GNG2: variants seen among roughly 807,000 people sequenced by gnomAD.
GNG2 encodes the protein guanine nucleotide-binding protein G(I)/G(S)/G(O) subunit gamma-2.
A neutral mutation model predicts 5.5 loss-of-function variants in GNG2; 5 were observed. The ratio of observed to expected loss-of-function variants is 0.91; its 90% CI spans 0.48 to 1.92. GNG2 has a LOEUF of 1.92. Ranked by LOEUF, GNG2 falls within the 30% of genes most tolerant of loss-of-function variation. The pLI, the probability that GNG2 is intolerant of heterozygous loss-of-function variation, is 0.01. For missense variants in GNG2, 55 were observed against 88.4 expected, an observed-to-expected ratio of 0.62 and a Z score of 1.52; for synonymous variants, 28 against 32.0, an observed-to-expected ratio of 0.88 and a Z score of 0.42.
chr14:51,887,107 C>G (rs1271313399), intron 2 of GNG2, among the ~76,000 whole-genome samples: 1 of 152,114 alleles, frequency 6.6e-6, no homozygotes, highest in East Asian at 1.9e-4. Context: ...GGACAGAGTT[C>G]AGTTGTTTGT....
intron 1 of GNG2, among the ~76,000 whole-genome samples, chr14:51,876,863 C>CA (rs747049089): frequency 3.0e-4 from 46 of 152,320 alleles, no homozygotes; most frequent in Admixed American, 9.8e-4. Flanking sequence ...TCTTTGTTCT[C>CA]AGACACTGCA....
intron 3 of GNG2, among the ~76,000 whole-genome samples, chr14:51,959,791 A>C (rs1594963333): frequency 6.6e-6 from 1 of 152,038 alleles, no homozygotes; most frequent in South Asian, 2.1e-4. Flanking sequence ...CCTCCCTACC[A>C]TCACCAACAC....
intron 2 of GNG2, among the ~76,000 whole-genome samples, chr14:51,887,413 C>G (rs1566665465): frequency 6.6e-6 from 1 of 152,142 alleles, no homozygotes; most frequent in Non-Finnish European, 1.5e-5. Flanking sequence ...GACCCAGGGA[C>G]CAGGATTACT....
intron 1 of GNG2, among the ~76,000 whole-genome samples, chr14:51,872,989 C>G (rs1200827091): frequency 6.6e-6 from 1 of 152,116 alleles, no homozygotes; most frequent in Non-Finnish European, 1.5e-5. Context: ...ATTTGGGTCT[C>G]TAAAATCACA....
intron 2 of GNG2, among the ~76,000 whole-genome samples, chr14:51,852,064 G>A (rs569067906): frequency 9.9e-5 from 15 of 152,160 alleles, no homozygotes; most frequent in South Asian, 8.3e-4. Context: ...ATATTTTAAC[G>A]GTAAATAAAT....
chr14:51,855,946 G>C (rs1490619854), upstream of GNG2, among the ~76,000 whole-genome samples: 1 of 152,216 alleles, frequency 6.6e-6, no homozygotes, highest in Non-Finnish European at 1.5e-5. Context: ...GCTGAGGCAG[G>C]TGGATCACCT....
chr14:51,828,061 C>T (rs1451676560), intron 2 of GNG2, among the ~76,000 whole-genome samples: 1 of 152,178 alleles, frequency 6.6e-6, no homozygotes, highest in Non-Finnish European at 1.5e-5. Context: ...GATGAGAGGC[C>T]TCGGTAGAAC....
intron 2 of GNG2, among the ~76,000 whole-genome samples, chr14:51,878,329 A>T (rs992616288): frequency 6.6e-6 from 1 of 152,156 alleles, no homozygotes; most frequent in Non-Finnish European, 1.5e-5. Context: ...AAAAATGCCA[A>T]GTGTGTACCA....
Position 51,968,017 on chromosome 14 carries a change from T to C in GNG2, c.*1330T>C, listed in dbSNP as rs980413495. 6.6e-6 allele frequency: 1 copy of C among 152,362 alleles called. No individual in the cohort carries two copies. The highest frequency in any genetic ancestry group is 6.5e-5 in the Admixed American group (1 of 15,300). The allele number at this position is 152,362 out of a possible 1,614,324, so 9.4% of individuals were successfully genotyped here. ...TCTACGAGGAAGAGTTCTGGCTCTT[T>C]TGTCCACTGAGATGGTCTTGGTTTT... is the stretch of plus-strand genomic sequence containing the variant. On this transcript the variant is annotated 3_prime_UTR_variant, in exon 4 of 4. Coordinates refer to ENST00000556766, the MANE Select transcript of GNG2 (RefSeq NM_053064.5).
chr14:51,918,606 A>T (rs1387521020), intron 2 of GNG2: 2 of 151,570 alleles, frequency 1.3e-5, no homozygotes, highest in Non-Finnish European at 2.9e-5. Flanking sequence ...GTAAAAAAAT[A>T]AACTAACTTA....
intron 1 of GNG2, among the ~76,000 whole-genome samples, chr14:51,866,753 T>A (rs975077705): frequency 6.6e-6 from 1 of 152,220 alleles, no homozygotes; most frequent in Non-Finnish European, 1.5e-5. Flanking sequence ...TCCATACTCA[T>A]GACCCAATCA....
intron 2 of GNG2, among the ~76,000 whole-genome samples, chr14:51,845,525 A>G (rs967320215): frequency 3.3e-5 from 5 of 152,140 alleles, no homozygotes; most frequent in African/African-American, 9.7e-5. Context: ...TCTTTAAACT[A>G]TAATTAGATC....
At chr14:51,956,331 T>C (rs1889270957) in intron 3 of GNG2, among the ~76,000 whole-genome samples, 1 of 152,174 alleles carries the variant, frequency 6.6e-6, no homozygotes. Context: ...CCTGGGGGCC[T>C]ACTGCTTGCT....
At chr14:51,863,292 G>C (rs1010603227) in intron 1 of GNG2, among the ~76,000 whole-genome samples, 6 of 152,154 alleles carry the variant, frequency 3.9e-5, no homozygotes, top group Non-Finnish European at 7.3e-5. Flanking sequence ...ACTTACCTTG[G>C]TACATTAACT....
intron 2 of GNG2, among the ~76,000 whole-genome samples, chr14:51,879,521 C>G (rs1043070579): frequency 6.6e-6 from 1 of 152,152 alleles, no homozygotes; most frequent in African/African-American, 2.4e-5. Flanking sequence ...TATTATCTTA[C>G]CATTCTATAG....
chr14:51,837,401 T>G (rs1044924209), intron 2 of GNG2, among the ~76,000 whole-genome samples: 5 of 151,720 alleles, frequency 3.3e-5, no homozygotes, highest in African/African-American at 9.7e-5. Flanking sequence ...TCCCAGCACT[T>G]TGGGAGGCTG....
intron 2 of GNG2, among the ~76,000 whole-genome samples, chr14:51,941,012 AC>A (rs1324538998): frequency 2.6e-5 from 4 of 151,932 alleles, no homozygotes; most frequent in South Asian, 2.1e-4. Context: ...TAGTATATAT[AC>A]CAATCTAATT....
chr14:51,904,121 G>A (rs1039978151), intron 2 of GNG2, among the ~76,000 whole-genome samples: 3 of 152,062 alleles, frequency 2.0e-5, no homozygotes, highest in African/African-American at 4.8e-5. Context: ...AAGGTACCTC[G>A]CCTGCCTCTA....
At position 51,956,003 on chromosome 14, in the gene GNG2, A is replaced by G. The variant is rs577219376; in HGVS notation, c.87+5238A>G. ...ATCCTTGGAACTAGAGAGAGGACAT[A>G]TATTCTAGGTTTAGGACATTTTAAG... On this transcript the variant is annotated intron_variant, in intron 3 of 3. Coordinates refer to ENST00000556766, the MANE Select transcript of GNG2 (RefSeq NM_053064.5). Among the ~76,000 whole-genome samples the G allele has an allele frequency of 2.6e-5, 4 of 152,304 alleles. No individual in the cohort carries two copies. In the South Asian group the frequency reaches 8.3e-4, roughly 32 times the overall value.
Sources: allele counts gnomAD v4.1 joint callset (sites outside exome capture counted in the v4.1 genomes callset), GRCh38; gene constraint gnomAD v4.1.1; transcripts MANE v1.5; gene names NCBI Gene and HGNC (gene_info 2026-07-23, HGNC 2026-07-21).